LIMA1: variants seen among roughly 807,000 people sequenced by gnomAD.
The protein encoded by LIMA1 is LIM domain and actin binding 1.
A neutral mutation model predicts 62.6 loss-of-function variants in LIMA1; 52 were observed. The ratio of observed to expected loss-of-function variants is 0.83; its 90% CI spans 0.67 to 1.05. LIMA1 has a LOEUF of 1.05. Ranked by LOEUF, LIMA1 falls within the 50% of genes least tolerant of loss-of-function variation. LIMA1 has a pLI of 0.00. For missense variants in LIMA1, 780 were observed against 902.2 expected (o/e 0.86, Z 1.74); for synonymous variants, 302 against 317.8 (o/e 0.95, Z 0.53).
chr12:50,182,394 T>C (rs1940527055), intron 9 of LIMA1, among the ~76,000 whole-genome samples: 1 of 152,036 alleles, frequency 6.6e-6, no homozygotes, highest in South Asian at 2.1e-4. Context: ...GAAAATGTTA[T>C]CACACACAGA....
chr12:50,202,376 A>G (rs1028435564), intron 6 of LIMA1, among the ~76,000 whole-genome samples: 2 of 152,166 alleles, frequency 1.3e-5, no homozygotes, highest in African/African-American at 2.4e-5. Flanking sequence ...TAATGCAGAA[A>G]TGGTTAGGAG....
intron 4 of LIMA1, among the ~76,000 whole-genome samples, chr12:50,207,821 C>A (rs1941180538): frequency 6.8e-6 from 1 of 147,848 alleles, no homozygotes; most frequent in African/African-American, 2.5e-5. Flanking sequence ...ACCAGGGGGG[C>A]AGAGGTTGCA....
chr12:50,203,048 C>A, intron 6 of LIMA1, among the ~76,000 whole-genome samples: 1 of 141,456 alleles, frequency 7.1e-6, no homozygotes. Context: ...CTCACCCTGT[C>A]ACCCAGGCTG....
chr12:50,192,997 TGTGTGTGC>T (rs947925395), intron 8 of LIMA1, among the ~76,000 whole-genome samples: 27 of 106,526 alleles, frequency 2.5e-4, no homozygotes, highest in Admixed American at 4.2e-4. Context: ...TGTGTGTGTG[TGTGTGTGC>T]GCGCGTGCGC....
chr12:50,177,088 A>C lies in LIMA1; in HGVS notation c.2256T>G (p.Tyr752Ter). The C allele has an allele frequency of 6.3e-7, 1 of 1,589,944 alleles. No individual in the cohort carries two copies. Among genetic ancestry groups the C allele is most frequent in the South Asian group, 1.2e-5 (1 of 85,892 alleles). ...VEEQIKRNRY[Y>*]DEDEDEE ...GTCACTCTTCATCCTCATCCTCATC[A>C]TAATACCGATTTCTCTTTATCTGTT... The change falls in exon 11 of 11, where the codon TAT (tyrosine) becomes TAG (stop). Residue 752 changes from tyrosine (Y) to a stop codon, truncating the protein, a stop_gained. Coordinates refer to ENST00000341247, the MANE Select transcript of LIMA1 (RefSeq NM_016357.5). LOFTEE classifies it high-confidence loss of function.
At position 50,210,777 on chromosome 12, in the gene LIMA1, C is replaced by G. The variant is rs17124540; in HGVS notation, c.631-4709G>C. 1.3e-3 allele frequency among the ~76,000 whole-genome samples: 201 copies of G among 152,126 alleles called. 2 individuals carry two copies. The East Asian group carries it at 0.016, about 12-fold the overall frequency. ...AGGCCCCCTTACCTTTTTTTTGAAGCCTTTTGCTCCATGGGGGTATCAAAA... is the reference window on the plus strand; with the variant it reads ...AGGCCCCCTTACCTTTTTTTTGAAGGCTTTTGCTCCATGGGGGTATCAAAA... On this transcript the variant is annotated intron_variant, in intron 4 of 10. Coordinates refer to ENST00000341247, the MANE Select transcript of LIMA1 (RefSeq NM_016357.5).
intron 1 of LIMA1, among the ~76,000 whole-genome samples, chr12:50,255,655 T>C (rs1361097082): frequency 6.8e-6 from 1 of 147,432 alleles, no homozygotes; most frequent in Non-Finnish European, 1.5e-5. Context: ...GATTGTAGAG[T>C]TTTAGTTTTT....
Position 50,223,623 on chromosome 12 carries a change from C to T in LIMA1, c.166-1138G>A, listed in dbSNP as rs1025048810. Among the ~76,000 whole-genome samples the T allele has an allele frequency of 2.0e-5, 3 of 152,316 alleles. 1 individual carries two copies. The highest frequency in any genetic ancestry group is 6.8e-3 in the Middle Eastern group (2 of 294). On this transcript the variant is annotated intron_variant, in intron 3 of 10. Transcript: ENST00000341247. ...GATCAAAGGACACACATTTACATAT[C>T]TAAGAGAGTTCACTTTCACTAGGGC...
At chr12:50,239,228 A>G (rs941986643) in intron 2 of LIMA1, among the ~76,000 whole-genome samples, 1 of 152,242 alleles carries the variant, frequency 6.6e-6, no homozygotes, top group African/African-American at 2.4e-5. Context: ...GAAAAAAAAG[A>G]ACAGGGTATT....
chr12:50,179,087 T>C (rs1395276549), intron 10 of LIMA1, among the ~76,000 whole-genome samples: 1 of 152,120 alleles, frequency 6.6e-6, no homozygotes, highest in Admixed American at 6.5e-5. Context: ...GCAATTCTCC[T>C]GCCTCAGCCT....
intron 6 of LIMA1, 61 bp downstream of exon 6, chr12:50,204,491 C>T (rs1416364617): frequency 1.9e-5 from 29 of 1,551,516 alleles, no homozygotes; most frequent in Non-Finnish European, 2.4e-5. Context: ...AATTCCAGTA[C>T]TCAGTGACCA....
Position 50,257,788 on chromosome 12 carries a change from T to C in LIMA1, c.-23-9014A>G, listed in dbSNP as rs183802627. On this transcript the variant is annotated intron_variant, in intron 1 of 10. Transcript: ENST00000341247. ...CAAGTAGTAACAGTAGTAACTGTCATAGTGATGGTCTCAAGTAGTAACCTT... is the reference window on the plus strand; with the variant it reads ...CAAGTAGTAACAGTAGTAACTGTCACAGTGATGGTCTCAAGTAGTAACCTT... Among the ~76,000 whole-genome samples, 168 of 152,314 alleles carry C rather than the reference T, an allele frequency of 1.1e-3. 1 individual carries two copies. The highest frequency in any genetic ancestry group is 2.9e-3 in the Admixed American group (44 of 15,288).
intron 9 of LIMA1, among the ~76,000 whole-genome samples, chr12:50,190,529 G>A (rs113190156): frequency 0.018 from 2,315 of 129,546 alleles, 66 homozygotes; most frequent in African/African-American, 0.076. Flanking sequence ...CACCATGCCC[G>A]GCTAATTTTT....
intron 8 of LIMA1, among the ~76,000 whole-genome samples, chr12:50,193,536 T>G (rs1940835533): frequency 7.3e-6 from 1 of 136,796 alleles, no homozygotes; most frequent in Non-Finnish European, 1.6e-5. Flanking sequence ...ACATATATGA[T>G]ATATATATAC....
intron 7 of LIMA1, among the ~76,000 whole-genome samples, chr12:50,198,137 C>T (rs1242615315): frequency 6.6e-6 from 1 of 152,150 alleles, no homozygotes; most frequent in African/African-American, 2.4e-5. Flanking sequence ...TTGTAGCCAT[C>T]AGTTTGAGAC....
chr12:50,238,732 C>T (rs1314797381), intron 2 of LIMA1, among the ~76,000 whole-genome samples: 1 of 151,672 alleles, frequency 6.6e-6, no homozygotes, highest in Non-Finnish European at 1.5e-5. Context: ...TACCTGTAAT[C>T]CCAGCTATTG....
intron 2 of LIMA1, among the ~76,000 whole-genome samples, chr12:50,247,213 T>C (rs900002817): frequency 3.3e-5 from 5 of 151,882 alleles, no homozygotes; most frequent in Admixed American, 3.3e-4. Context: ...GAAGGTGGAG[T>C]CAAATTGCCC....
At chr12:50,216,576 G>C (rs1156712889) in intron 4 of LIMA1, among the ~76,000 whole-genome samples, 4 of 152,068 alleles carry the variant, frequency 2.6e-5, no homozygotes, top group Admixed American at 6.6e-5. Context: ...TTCACTCATA[G>C]GAAGTAGAAC....
In LIMA1 at chr12:50,263,546, T is replaced by C. The variant is rs180950503; in HGVS notation, c.-23-14772A>G. 4.3e-3 allele frequency among the ~76,000 whole-genome samples: 659 copies of C among 152,252 alleles called. 6 individuals are homozygous for C. The highest frequency in any genetic ancestry group is 0.015 in the African/African-American group (615 of 41,552). On this transcript the variant is annotated intron_variant, in intron 1 of 10. Coordinates refer to ENST00000341247, the MANE Select transcript of LIMA1 (RefSeq NM_016357.5). ...AGACATAGTATAGGTAGGTTTTTTC[T>C]AAAGTTTTTGTTTCAGTTATTTGTA... is the stretch of plus-strand genomic sequence containing the variant.
Sources: gnomAD v4.1 joint callset for allele counts (sites outside exome capture counted in the v4.1 genomes callset) on GRCh38, gnomAD v4.1.1 for gene constraint, MANE v1.5 for transcripts, NCBI Gene and HGNC (gene_info 2026-07-23, HGNC 2026-07-21) for gene names.